Variants in GRB10 observed in about 807,000 individuals in gnomAD.
GRB10 encodes the protein growth factor receptor-bound protein 10.
GRB10 carries 20 observed loss-of-function variants against 80.9 expected under a neutral mutation model. The observed-to-expected ratio is 0.25, with a 90% confidence interval of 0.17 to 0.36. The LOEUF is 0.36. Among genes scored for constraint, GRB10 ranks in the 10% least tolerant of loss-of-function variants. The pLI is 1.00. For synonymous variants in GRB10, 291 were observed against 291.5 expected, an observed-to-expected ratio of 1.00 and a Z score of 0.02; for missense variants, 548 against 747.7, an observed-to-expected ratio of 0.73 and a Z score of 3.12.
At chr7:50,775,469 A>C (rs974282890) in intron 2 of GRB10, among the ~76,000 whole-genome samples, 5 of 152,100 alleles carry the variant, frequency 3.3e-5, no homozygotes, top group African/African-American at 1.2e-4. Context: ...CCAGGCTGGC[A>C]CTACACACGG....
chr7:50,637,181 T>A (rs1180142103), intron 7 of GRB10, among the ~76,000 whole-genome samples: 2 of 152,194 alleles, frequency 1.3e-5, no homozygotes, highest in East Asian at 3.8e-4. Context: ...CTCACTATAC[T>A]GTCCAGGCTG....
At chr7:50,717,803 G>A (rs529101442) in intron 4 of GRB10, among the ~76,000 whole-genome samples, 1 of 152,318 alleles carries the variant, frequency 6.6e-6, no homozygotes, top group East Asian at 1.9e-4. Context: ...GGTTCTTGGG[G>A]TCTCTGGACC....
chr7:50,669,675 A>G (rs1200498452), intron 7 of GRB10, 47 bp downstream of exon 7: 6 of 1,578,692 alleles, frequency 3.8e-6, no homozygotes, highest in African/African-American at 1.3e-5. Context: ...AGATCCCAAT[A>G]ATCTGGCATA....
chr7:50,745,179 A>T (rs2072681912), intron 3 of GRB10, among the ~76,000 whole-genome samples: 1 of 152,234 alleles, frequency 6.6e-6, no homozygotes, highest in African/African-American at 2.4e-5. Flanking sequence ...AGACTCACAC[A>T]GTTCAAATCC....
chr7:50,643,044 C>A (rs1418019407), intron 7 of GRB10, among the ~76,000 whole-genome samples: 2 of 152,118 alleles, frequency 1.3e-5, no homozygotes, highest in East Asian at 3.8e-4. Flanking sequence ...GACCCTTGGA[C>A]AACACAGGTT....
At chr7:50,741,480 C>T (rs951295984) in intron 3 of GRB10, among the ~76,000 whole-genome samples, 2 of 150,270 alleles carry the variant, frequency 1.3e-5, no homozygotes, top group African/African-American at 2.5e-5. Context: ...AGACAGGGAC[C>T]GTAGGCCAAT....
In GRB10 at chr7:50,779,632, A is replaced by T. The variant is rs1301516733; in HGVS notation, c.-217+995T>A. 2.0e-5 allele frequency: 3 copies of T among 152,154 alleles called. No individual in the cohort carries two copies. In the South Asian group the frequency reaches 6.2e-4, roughly 32 times the overall value. The allele number at this position is 152,154 out of a possible 1,614,324, so 9.4% of individuals were successfully genotyped here. A position where few individuals can be genotyped will look rare whatever the true frequency, so the allele number is the denominator to read the frequency against. On this transcript the variant is annotated intron_variant, in intron 2 of 18. Transcript: ENST00000401949. ...CAGGCGGGGTCCCTTGTCAAAAGCC[A>T]CCCAGAGCACTCCTTGCCATTCTCA...
chr7:50,612,643 A>T, intron 13 of GRB10, 98 bp downstream of exon 13: 1 of 778,814 alleles, frequency 1.3e-6, no homozygotes, highest in Non-Finnish European at 2.3e-6. Context: ...ACAGCGGAAA[A>T]GTTACGAGCA....
chr7:50,785,053 T>A (rs1050440378), upstream of GRB10, among the ~76,000 whole-genome samples: 4 of 152,212 alleles, frequency 2.6e-5, no homozygotes, highest in African/African-American at 9.6e-5. Context: ...CCAGAAAGAT[T>A]TGGTGGATCA....
chr7:50,718,934 C>T (rs142525697), intron 4 of GRB10, among the ~76,000 whole-genome samples: 1 of 152,232 alleles, frequency 6.6e-6, no homozygotes, highest in African/African-American at 2.4e-5. Context: ...GAGTATCCAA[C>T]CTCTTGGTCA....
chr7:50,650,571 G>A (rs1403095971), intron 7 of GRB10, among the ~76,000 whole-genome samples: 2 of 152,210 alleles, frequency 1.3e-5, no homozygotes, highest in Admixed American at 6.5e-5. Context: ...CAACGTCCTA[G>A]AGAAGATAAA....
At chr7:50,603,847 A>G in intron 17 of GRB10, 151 bp downstream of exon 17, 1 of 785,290 alleles carries the variant, frequency 1.3e-6, no homozygotes, top group Non-Finnish European at 2.3e-6. Flanking sequence ...CCTGCGTACC[A>G]CTTATACCTC....
chr7:50,768,479 CTA>C (rs1491231096), intron 2 of GRB10, among the ~76,000 whole-genome samples: 3 of 152,172 alleles, frequency 2.0e-5, no homozygotes, highest in Non-Finnish European at 4.4e-5. Context: ...ATAATCACCT[CTA>C]TGTTTCCCCT....
chr7:50,678,909 G>A (rs2061256449), intron 5 of GRB10, among the ~76,000 whole-genome samples: 1 of 152,218 alleles, frequency 6.6e-6, no homozygotes, highest in South Asian at 2.1e-4. Flanking sequence ...GTAAACAAAT[G>A]CTTCTCGCAG....
chr7:50,703,683 C>T, intron 5 of GRB10, 138 bp downstream of exon 5: 1 of 667,692 alleles, frequency 1.5e-6, no homozygotes, highest in Non-Finnish European at 2.7e-6. Context: ...TGGGAATTCA[C>T]TGTCCTTAAT....
chr7:50,598,974 T>C (rs1438552393), intron 17 of GRB10, among the ~76,000 whole-genome samples: 1 of 98,096 alleles, frequency 1.0e-5, no homozygotes, highest in South Asian at 3.1e-4. Context: ...CCACATGCCC[T>C]GGGGGGATAA....
At position 50,614,892 on chromosome 7, in the gene GRB10, C is replaced by T. The variant is rs770154413; in HGVS notation, c.985-12G>A. The T allele has an allele frequency of 6.4e-7, 1 of 1,571,618 alleles. No homozygotes were observed. The highest frequency in any genetic ancestry group is 1.1e-5 in the South Asian group (1 of 90,276). ...AGGTGTCTGGGTTCCTGTGACAACACTGGCCAGGTTAAAGTCTCAAGCACA... is the reference window on the plus strand; with the variant it reads ...AGGTGTCTGGGTTCCTGTGACAACATTGGCCAGGTTAAAGTCTCAAGCACA... On this transcript the variant is annotated splice_polypyrimidine_tract_variant and intron_variant, in intron 11 of 18. Coordinates refer to ENST00000401949, the MANE Select transcript of GRB10 (RefSeq NM_001350814.2).
At position 50,646,947 on chromosome 7, in the gene GRB10, A is replaced by G. The variant is rs77008704; in HGVS notation, c.505-19969T>C. Among the ~76,000 whole-genome samples, 939 of 152,300 alleles carry G rather than the reference A, an allele frequency of 6.2e-3. 17 individuals are homozygous for G. Among genetic ancestry groups the G allele is most frequent in the African/African-American group, 0.022 (910 of 41,564 alleles). The stretch of plus-strand genomic sequence containing the variant: ...GAACCCTGGTGCAGAGCCAGGCTCA[A>G]GGCTCCTCCACTCATCCCAGCCACA... On this transcript the variant is annotated intron_variant, in intron 7 of 18. Coordinates refer to ENST00000401949, the MANE Select transcript of GRB10 (RefSeq NM_001350814.2).
chr7:50,681,156 A>T (rs747285318), intron 5 of GRB10, among the ~76,000 whole-genome samples: 78 of 152,272 alleles, frequency 5.1e-4, no homozygotes, highest in Non-Finnish European at 9.7e-4. Context: ...GCAACTAAGA[A>T]GCGACTGAGA....
Sources: gnomAD v4.1 joint callset for allele counts (sites outside exome capture counted in the v4.1 genomes callset) on GRCh38, gnomAD v4.1.1 for gene constraint, MANE v1.5 for transcripts, NCBI Gene and HGNC (gene_info 2026-07-23, HGNC 2026-07-21) for gene names.